Variants in IL21R observed in about 807,000 individuals in gnomAD.
The protein encoded by IL21R is interleukin-21 receptor.
Under a neutral mutation model 41.3 loss-of-function variants are expected in IL21R, and 14 were observed. The ratio of observed to expected loss-of-function variants is 0.34; its 90% CI spans 0.22 to 0.53. The LOEUF (loss-of-function observed/expected upper bound fraction) is 0.53, where lower values mean the gene tolerates loss of function less well. IL21R is among the 20% of genes least tolerant of loss of function. The pLI is 0.94. For missense variants in IL21R, 588 were observed against 681.6 expected (o/e 0.86, Z 1.53); for synonymous variants, 286 against 287.6 (o/e 0.99, Z 0.05).
chr16:27,409,493 G>C (rs942661626), intron 1 of IL21R, among the ~76,000 whole-genome samples: 1 of 151,914 alleles, frequency 6.6e-6, no homozygotes, highest in Non-Finnish European at 1.5e-5. Flanking sequence ...ACGATTTACT[G>C]TTTTACCTTT....
intron 7 of IL21R, 70 bp from the exon 8 acceptor site, chr16:27,445,937 G>A: frequency 3.3e-6 from 4 of 1,212,240 alleles, no homozygotes; most frequent in Middle Eastern, 1.9e-4. Context: ...TGAAGCTGGG[G>A]AGCGTCCGAA....
intron 1 of IL21R, among the ~76,000 whole-genome samples, chr16:27,405,103 A>G (rs562804327): frequency 5.3e-5 from 8 of 151,618 alleles, no homozygotes; most frequent in Admixed American, 2.6e-4. Flanking sequence ...CGCAATCTCA[A>G]CTCACTGCAA....
Position 27,448,941 on chromosome 16 carries a change from C to T in IL21R, c.1275C>T (p.Val425=). ...CACTCTTGGATGCAGGGACCACAGT[C>T]CTGTCCTGTGGCTGTGTCTCAGCTG... ...EDPLLDAGTT[V]LSCGCVSAGS... Residue 425 remains valine (V), a synonymous_variant, in exon 9 of 9, where the codon GTC becomes GTT. Coordinates refer to ENST00000337929, the MANE Select transcript of IL21R (RefSeq NM_181078.3). 6.2e-7 allele frequency: 1 copy of T among 1,613,264 alleles called. No individual in the cohort carries two copies. Among genetic ancestry groups the T allele is most frequent in the Non-Finnish European group, 8.5e-7 (1 of 1,179,862 alleles).
rs541998112 is a variant in IL21R, at chr16:27,449,619, A to G, written c.*336A>G. 11 of 355,148 alleles carry G rather than the reference A, an allele frequency of 3.1e-5. No homozygotes were observed. The East Asian group carries it at 4.8e-4, about 16-fold the overall frequency. 22.0% of individuals were successfully genotyped at this position (355,148 alleles called of 1,614,324 possible). ...AGCTCACCCATGTGCACAAGTGTGC[A>G]CAGTAAACGTGTTTGTGGTCAACAG... On this transcript the variant is annotated 3_prime_UTR_variant, in exon 9 of 9. Coordinates refer to ENST00000337929, the MANE Select transcript of IL21R (RefSeq NM_181078.3).
intron 4 of IL21R, among the ~76,000 whole-genome samples, chr16:27,440,276 GAGAGCGAGCA>G (rs1244321179): frequency 7.1e-6 from 1 of 140,300 alleles, no homozygotes; most frequent in South Asian, 2.2e-4. Context: ...GAGAGAGAGA[GAGAGCGAGCA>G]AGCGCGCGCC....
At position 27,439,828 on chromosome 16, in the gene IL21R, C is replaced by T. The variant is rs551768224; in HGVS notation, c.352+2141C>T. ...TTCTAACCACCTCCCGCCGAGGGTC[C>T]CTTCCTCCTCCTGGGCCCTGGGCCT... On this transcript the variant is annotated intron_variant, in intron 4 of 8. Transcript: ENST00000337929. Among the ~76,000 whole-genome samples the T allele has an allele frequency of 3.3e-5, 5 of 152,232 alleles. No individual in the cohort carries two copies. In the South Asian group the frequency reaches 1.0e-3, roughly 32 times the overall value.
chr16:27,438,714 A>C (rs1349958823), intron 4 of IL21R, among the ~76,000 whole-genome samples: 2 of 151,008 alleles, frequency 1.3e-5, no homozygotes, highest in Non-Finnish European at 2.9e-5. Context: ...CTAAAAATAC[A>C]AAAAAATTTG....
chr16:27,445,938 A>T (rs1342151096), intron 7 of IL21R, 69 bp from the exon 8 acceptor site: 1 of 1,213,204 alleles, frequency 8.2e-7, no homozygotes, highest in Non-Finnish European at 1.2e-6. Flanking sequence ...GAAGCTGGGG[A>T]GCGTCCGAAT....
At chr16:27,407,705 A>G (rs2086768513) in intron 1 of IL21R, among the ~76,000 whole-genome samples, 1 of 152,138 alleles carries the variant, frequency 6.6e-6, no homozygotes, top group Admixed American at 6.5e-5. Context: ...CATGCCTGTA[A>G]TCCCAGCTAC....
intron 1 of IL21R, among the ~76,000 whole-genome samples, chr16:27,418,236 A>AT (rs1046111811): frequency 2.0e-5 from 3 of 150,202 alleles, no homozygotes; most frequent in African/African-American, 7.4e-5. Flanking sequence ...CGCCCGGCTA[A>AT]TTTTTTGTAT....
Position 27,450,209 on chromosome 16 carries a change from T to G in IL21R, c.*926T>G, listed in dbSNP as rs2087568008. The stretch of plus-strand genomic sequence containing the variant: ...AGGCTTAAAATCAGTCCGTTTCGTC[T>G]CTTGGAAACAGCTCCCCACCAACCA... On this transcript the variant is annotated 3_prime_UTR_variant, in exon 9 of 9. Transcript: ENST00000337929. 1 of 232,938 alleles carries G rather than the reference T, an allele frequency of 4.3e-6. No homozygotes were observed. Among genetic ancestry groups the G allele is most frequent in the Non-Finnish European group, 8.5e-6 (1 of 117,906 alleles). 14.4% of individuals were successfully genotyped at this position (232,938 alleles called of 1,614,324 possible). A position where few individuals can be genotyped will look rare whatever the true frequency, so the allele number is the denominator to read the frequency against.
intron 6 of IL21R, 44 bp downstream of exon 6, chr16:27,444,763 T>C (rs931318357): frequency 2.7e-6 from 4 of 1,458,116 alleles, no homozygotes; most frequent in Non-Finnish European, 2.7e-6. Flanking sequence ...TGGTATCAAA[T>C]TTTGTCCTGT....
chr16:27,435,307 T>C (rs2087248593), intron 3 of IL21R, among the ~76,000 whole-genome samples: 2 of 152,110 alleles, frequency 1.3e-5, no homozygotes, highest in African/African-American at 2.4e-5. Flanking sequence ...CCAGACACTG[T>C]TGCAGGCACT....
At chr16:27,414,940 C>T (rs1486683374) in intron 1 of IL21R, among the ~76,000 whole-genome samples, 1 of 152,102 alleles carries the variant, frequency 6.6e-6, no homozygotes, top group Non-Finnish European at 1.5e-5. Flanking sequence ...GATAAGGCGT[C>T]TGTTTGCAAA....
intron 1 of IL21R, among the ~76,000 whole-genome samples, chr16:27,419,899 T>TC: frequency 6.6e-6 from 1 of 150,724 alleles, no homozygotes; most frequent in East Asian, 1.9e-4. Context: ...TCTTTTTTTT[T>TC]TTTTTTTGAG....
chr16:27,422,358 G>A (rs2087012023), intron 1 of IL21R, among the ~76,000 whole-genome samples: 1 of 152,090 alleles, frequency 6.6e-6, no homozygotes, highest in South Asian at 2.1e-4. Context: ...TAAGATCACT[G>A]CTATTTCTTC....
chr16:27,432,164 A>C (rs1276337290), intron 2 of IL21R, among the ~76,000 whole-genome samples: 1 of 152,224 alleles, frequency 6.6e-6, no homozygotes, highest in Non-Finnish European at 1.5e-5. Flanking sequence ...GGGGAGACAC[A>C]GACGTCAAAC....
chr16:27,445,973 ATGTCAGGGTC>A, intron 7 of IL21R, 24 bp from the exon 8 acceptor site: 1 of 1,563,452 alleles, frequency 6.4e-7, no homozygotes, highest in Non-Finnish European at 8.8e-7. Context: ...CCCTCTGGTG[ATGTCAGGGTC>A]CTCACCCCTC....
intron 1 of IL21R, among the ~76,000 whole-genome samples, chr16:27,423,606 A>G (rs8057551): frequency 0.36 from 54,355 of 151,990 alleles, 10,071 homozygotes; most frequent in East Asian, 0.51. Flanking sequence ...GTGTGGTGTC[A>G]ATGGTGTTAT....
Sources: allele counts gnomAD v4.1 joint callset (sites outside exome capture counted in the v4.1 genomes callset), GRCh38; gene constraint gnomAD v4.1.1; transcripts MANE v1.5; gene names NCBI Gene and HGNC (gene_info 2026-07-23, HGNC 2026-07-21).